The following LACTBL1 variants were observed in gnomAD, a reference collection of about 807,000 sequenced individuals.
LACTBL1 encodes beta-lactamase-like protein 1.
LACTBL1 carries 29 observed loss-of-function variants against 39.6 expected under a neutral mutation model. The observed-to-expected ratio is 0.73, with a 90% CI of 0.55 to 1.00. The LOEUF (loss-of-function observed/expected upper bound fraction) is 1.00. Among genes scored for constraint, LACTBL1 ranks in the 50% least tolerant of loss-of-function variants. The pLI is 0.00. For missense variants in LACTBL1, 711 were observed against 748.5 expected, an observed-to-expected ratio of 0.95 and a Z score of 0.59; for synonymous variants, 361 against 360.7, an observed-to-expected ratio of 1.00 and a Z score of -0.01.
chr1:22,963,314 C>A (rs1640845452), intron 1 of LACTBL1, 98 bp from the exon 4 acceptor site: 2 of 608,826 alleles, frequency 3.3e-6, no homozygotes, highest in Non-Finnish European at 5.1e-6. Flanking sequence ...TCAAGGACAG[C>A]CCTCCCCAGC....
Position 22,965,273 on chromosome 1 carries a change from G to A in LACTBL1, c.49+17C>T. 1 of 1,311,628 alleles carries A rather than the reference G, an allele frequency of 7.6e-7. No individual in the cohort carries two copies. The highest frequency in any genetic ancestry group is 9.8e-7 in the Non-Finnish European group (1 of 1,023,464). 81.2% of individuals were successfully genotyped at this position (1,311,628 alleles called of 1,614,324 possible). ...AGGGGGCTATGGGGAGGAACTCAAG[G>A]CTGTCTCTGCACTCACCGGTCTTCA... is the stretch of plus-strand genomic sequence containing the variant. On this transcript the variant is annotated intron_variant, in intron 1 of 5. Coordinates refer to ENST00000426928, the Ensembl canonical transcript of LACTBL1.
chr1:22,969,311 A>G (rs955299733), upstream of LACTBL1, among the ~76,000 whole-genome samples: 35 of 152,176 alleles, frequency 2.3e-4, no homozygotes, highest in African/African-American at 7.2e-4. Context: ...TGGATAATCA[A>G]TAGTCCAGCA....
chr1:22,954,784 C>T (rs911108668), intron 5 of LACTBL1, among the ~76,000 whole-genome samples: 3 of 152,176 alleles, frequency 2.0e-5, no homozygotes, highest in Non-Finnish European at 2.9e-5. Flanking sequence ...TTTGGAGAAG[C>T]AGAGGGACAA....
chr1:22,955,515 G>T, intron 4 of LACTBL1, 89 bp from the exon 7 acceptor site: 1 of 780,284 alleles, frequency 1.3e-6, no homozygotes, highest in Non-Finnish European at 2.1e-6. Flanking sequence ...CCTTCCGTGA[G>T]TTGAGAGATA....
chr1:22,963,811 G>A (rs539066047), intron 1 of LACTBL1, among the ~76,000 whole-genome samples: 1 of 152,200 alleles, frequency 6.6e-6, no homozygotes, highest in East Asian at 1.9e-4. Context: ...CTGGAGTGGG[G>A]TGTGAAGGGG....
chr1:22,953,363 A>G (rs1640724985), exon 6 of LACTBL1: 6 of 1,228,240 alleles, frequency 4.9e-6, no homozygotes, highest in Middle Eastern at 3.1e-4. Flanking sequence ...CGCACCTCGT[A>G]GAAGGTCAGG....
exon 2 of LACTBL1, chr1:22,963,208 C>T (rs1640843479): frequency 1.5e-6 from 2 of 1,354,772 alleles, no homozygotes; most frequent in Admixed American, 3.6e-5. Flanking sequence ...TCCTCTGGTC[C>T]CAGGGAACCT....
At chr1:22,962,363 C>G (rs140501909) in intron 2 of LACTBL1, among the ~76,000 whole-genome samples, 1 of 152,090 alleles carries the variant, frequency 6.6e-6, no homozygotes, top group Non-Finnish European at 1.5e-5. Context: ...TTGAGTCTCC[C>G]CCACCATGCT....
chr1:22,953,193 G>A, exon 6 of LACTBL1: 2 of 1,232,148 alleles, frequency 1.6e-6, no homozygotes, highest in Non-Finnish European at 2.0e-6. Context: ...AGAGCCACGC[G>A]TCGCCGAGTG....
At chr1:22,953,802 C>A in exon 6 of LACTBL1, 2 of 1,545,106 alleles carry the variant, frequency 1.3e-6, no homozygotes, top group Non-Finnish European at 1.7e-6. Flanking sequence ...TCTGGCCCGA[C>A]GGCCGGTACC....
chr1:22,953,469 G>A, exon 6 of LACTBL1: 1 of 1,228,474 alleles, frequency 8.1e-7, no homozygotes, highest in East Asian at 3.2e-5. Context: ...GGGCGGGCAG[G>A]AGCTCATCGT....
chr1:22,970,820 A>AC, the LACTBL1 span, among the ~76,000 whole-genome samples: 5 of 152,034 alleles, frequency 3.3e-5, no homozygotes, highest in Admixed American at 6.5e-5. Context: ...AAAAAAAAAA[A>AC]AAAAAAACAA....
chr1:22,970,713 G>A, the LACTBL1 span, among the ~76,000 whole-genome samples: 3 of 151,790 alleles, frequency 2.0e-5, no homozygotes, highest in East Asian at 5.8e-4. Context: ...GGAAGGCTGA[G>A]GTGTGAGGAT....
At chr1:22,970,316 C>A (rs926427011), upstream of LACTBL1, among the ~76,000 whole-genome samples, 2 of 152,136 alleles carry the variant, frequency 1.3e-5, no homozygotes, top group Non-Finnish European at 2.9e-5. Flanking sequence ...TGTGGATGAA[C>A]CTCAAAGCAT....
chr1:22,967,644 TAGAG>T (rs1274043104), upstream of LACTBL1, among the ~76,000 whole-genome samples: 43 of 151,528 alleles, frequency 2.8e-4, no homozygotes, highest in Admixed American at 2.0e-4. Context: ...CATATATATA[TAGAG>T]AGAGAGAGAG....
chr1:22,956,209 C>CA (rs1298214724), intron 4 of LACTBL1, among the ~76,000 whole-genome samples: 3 of 151,772 alleles, frequency 2.0e-5, no homozygotes, highest in African/African-American at 7.3e-5. Flanking sequence ...CCTATGTCTA[C>CA]AAAAAATAAA....
At chr1:22,953,298 C>T (rs1168514919) in exon 6 of LACTBL1, 2 of 1,226,252 alleles carry the variant, frequency 1.6e-6, no homozygotes, top group African/African-American at 1.6e-5. Flanking sequence ...GAGGCACCAG[C>T]GCCTCCACGC....
At chr1:22,953,517 C>T in exon 6 of LACTBL1, 1 of 1,235,548 alleles carries the variant, frequency 8.1e-7, no homozygotes, top group Non-Finnish European at 1.0e-6. Flanking sequence ...GCGGCCGTGG[C>T]CCTGCCAGCA....
chr1:22,953,310 C>A, exon 6 of LACTBL1: 1 of 1,226,134 alleles, frequency 8.2e-7, no homozygotes, highest in Non-Finnish European at 1.0e-6. Context: ...CCTCCACGCG[C>A]GGCCCGAACT....
Sources: gnomAD v4.1 joint callset for allele counts (sites outside exome capture counted in the v4.1 genomes callset) on GRCh38, gnomAD v4.1.1 for gene constraint, MANE v1.5 for transcripts, NCBI Gene and HGNC (gene_info 2026-07-23, HGNC 2026-07-21) for gene names.